Variants in ABCD3 observed in about 807,000 individuals in gnomAD.
ABCD3 encodes ATP binding cassette subfamily D member 3, also known as ATP-binding cassette sub-family D member 3.
A neutral mutation model predicts 105.5 loss-of-function variants in ABCD3; 41 were observed. That is an observed-to-expected ratio of 0.39 (90% CI 0.30 to 0.50). The LOEUF (loss-of-function observed/expected upper bound fraction) is 0.50. Among genes scored for constraint, ABCD3 ranks in the 20% least tolerant of loss-of-function variants. The pLI, the probability that ABCD3 is intolerant of heterozygous loss-of-function variation, is 0.84. For missense variants in ABCD3, 622 were observed against 806.3 expected (o/e 0.77, Z 2.77); for synonymous variants, 258 against 269.0 (o/e 0.96, Z 0.40).
At chr1:94,386,731 A>G in the ABCD3 span, among the ~76,000 whole-genome samples, 2 of 152,182 alleles carry the variant, frequency 1.3e-5, no homozygotes, top group Admixed American at 6.5e-5. Flanking sequence ...TTTGATGACT[A>G]AAAAACTCCC....
the ABCD3 span, among the ~76,000 whole-genome samples, chr1:94,388,362 A>T: frequency 2.0e-5 from 3 of 149,134 alleles, no homozygotes; most frequent in South Asian, 4.3e-4. Context: ...ATTGATGCAG[A>T]GCATTCTGAG....
At chr1:94,468,754 C>T (rs1359689165) in intron 4 of ABCD3, among the ~76,000 whole-genome samples, 1 of 152,076 alleles carries the variant, frequency 6.6e-6, no homozygotes, top group African/African-American at 2.4e-5. Flanking sequence ...TTGTTAAATG[C>T]CCCAACATTT....
At chr1:94,461,729 G>T (rs1382634164) in intron 2 of ABCD3, among the ~76,000 whole-genome samples, 1 of 151,958 alleles carries the variant, frequency 6.6e-6, no homozygotes. Flanking sequence ...TGTACATCAG[G>T]TTGTTTTTAA....
At chr1:94,457,823 A>C (rs1408094616) in intron 1 of ABCD3, among the ~76,000 whole-genome samples, 1 of 152,118 alleles carries the variant, frequency 6.6e-6, no homozygotes, top group East Asian at 1.9e-4. Flanking sequence ...CCTTCCATTC[A>C]CAGGTGTTGA....
intron 1 of ABCD3, among the ~76,000 whole-genome samples, chr1:94,447,968 T>A (rs1660421788): frequency 6.6e-6 from 1 of 152,204 alleles, no homozygotes; most frequent in South Asian, 2.1e-4. Flanking sequence ...TCACTAGCCC[T>A]TGGCAATTAA....
chr1:94,475,825 C>T (rs2100997400), intron 7 of ABCD3, 88 bp downstream of exon 7: 3 of 1,024,996 alleles, frequency 2.9e-6, no homozygotes, highest in East Asian at 2.6e-5. Context: ...ATTTTGTGGA[C>T]ATAACAGCAG....
At position 94,464,762 on chromosome 1, in the gene ABCD3, T is replaced by A. The variant is rs775278725; in HGVS notation, c.148-13T>A. On this transcript the variant is annotated splice_polypyrimidine_tract_variant and intron_variant, in intron 2 of 22. Coordinates refer to ENST00000370214, the MANE Select transcript of ABCD3 (RefSeq NM_002858.4). ...TATAGCTATCTTAAAAGGGCTTCTT[T>A]TTTTTAATGCAGAAAGAGGGGAAAA... 6.2e-7 allele frequency: 1 copy of A among 1,608,988 alleles called. No individual in the cohort carries two copies.
intron 9 of ABCD3, 123 bp from the exon 10 acceptor site, chr1:94,483,047 A>T (rs1649100897): frequency 4.2e-6 from 3 of 713,526 alleles, no homozygotes; most frequent in Non-Finnish European, 7.5e-6. Context: ...GATGCACCAG[A>T]TAAGCTCTTA....
In ABCD3 at chr1:94,464,758, T is replaced by C. The variant is rs764870377; in HGVS notation, c.148-17T>C. The C allele has an allele frequency of 1.3e-6, 2 of 1,595,092 alleles. No individual in the cohort carries two copies. ...TTGTTATAGCTATCTTAAAAGGGCT[T>C]CTTTTTTTTAATGCAGAAAGAGGGG... On this transcript the variant is annotated splice_polypyrimidine_tract_variant and intron_variant, in intron 2 of 22. Coordinates refer to ENST00000370214, the MANE Select transcript of ABCD3 (RefSeq NM_002858.4).
intron 10 of ABCD3, among the ~76,000 whole-genome samples, chr1:94,486,719 A>G (rs1244049219): frequency 1.3e-5 from 2 of 152,214 alleles, no homozygotes; most frequent in Non-Finnish European, 1.5e-5. Flanking sequence ...AGGAGGTGAC[A>G]TTTAGTCAGA....
chr1:94,518,087 T>G lies in ABCD3; in HGVS notation c.*958T>G, dbSNP rs1375395890. On this transcript the variant is annotated 3_prime_UTR_variant, in exon 23 of 23. Transcript: ENST00000370214. ...GTGATTTTATGTTTAAAAAGTATGT[T>G]CTAAAATTATTATATATACATGGGT... 1 of 151,922 alleles carries G rather than the reference T, an allele frequency of 6.6e-6. No homozygotes were observed. Among genetic ancestry groups the G allele is most frequent in the Non-Finnish European group, 1.5e-5 (1 of 67,840 alleles). 9.4% of individuals were successfully genotyped at this position (151,922 alleles called of 1,614,324 possible).
intron 17 of ABCD3, 33 bp downstream of exon 17, chr1:94,498,712 C>A: frequency 6.2e-7 from 1 of 1,612,620 alleles, no homozygotes; most frequent in Non-Finnish European, 8.5e-7. Flanking sequence ...ATTTTGCAGT[C>A]TTATTTTGCC....
chr1:94,498,739 T>C (rs1199847507), intron 17 of ABCD3, 44 bp from the exon 18 acceptor site: 3 of 1,613,264 alleles, frequency 1.9e-6, no homozygotes, highest in Non-Finnish European at 2.5e-6. Flanking sequence ...TCTACCACTT[T>C]GTAAATTTTA....
rs746881972 is a variant in ABCD3, at chr1:94,468,011, C to T, written c.335+4C>T. 6.3e-7 allele frequency: 1 copy of T among 1,596,052 alleles called. No homozygotes were observed. Among genetic ancestry groups the T allele is most frequent in the Non-Finnish European group, 8.6e-7 (1 of 1,163,836 alleles). On this transcript the variant is annotated splice_donor_region_variant and intron_variant, in intron 4 of 22. Coordinates refer to ENST00000370214, the MANE Select transcript of ABCD3 (RefSeq NM_002858.4). ...AAAATGGGACACTAATTGAAAGGTA[C>T]TTTTTCAATCACCTTCCTCCTATAT...
At chr1:94,471,489 T>G (rs929152866) in intron 4 of ABCD3, among the ~76,000 whole-genome samples, 1 of 148,060 alleles carries the variant, frequency 6.8e-6, no homozygotes, top group African/African-American at 2.5e-5. Context: ...CTTAGGGATA[T>G]CCTGTCTCAC....
At chr1:94,387,619 C>T in the ABCD3 span, among the ~76,000 whole-genome samples, 1 of 152,128 alleles carries the variant, frequency 6.6e-6, no homozygotes, top group African/African-American at 2.4e-5. Flanking sequence ...TGCTACTTAA[C>T]AGAAGAAAAA....
intron 1 of ABCD3, among the ~76,000 whole-genome samples, chr1:94,443,557 C>G (rs1660214304): frequency 6.6e-6 from 1 of 152,114 alleles, no homozygotes; most frequent in African/African-American, 2.4e-5. Flanking sequence ...GAGCTTTTCT[C>G]TTGTTTTATA....
chr1:94,446,752 T>A (rs138265634), intron 1 of ABCD3, among the ~76,000 whole-genome samples: 3,741 of 152,268 alleles, frequency 0.025, 62 homozygotes, highest in Middle Eastern at 0.037. Flanking sequence ...CGTGGCCAAT[T>A]CAACCTGTTC....
chr1:94,396,610 T>TGTGCGC, the ABCD3 span, among the ~76,000 whole-genome samples: 46 of 144,076 alleles, frequency 3.2e-4, no homozygotes, highest in African/African-American at 1.1e-3. Context: ...TGTGTGTGTG[T>TGTGCGC]GCGCGCGCGC....
Sources: gnomAD v4.1 joint callset for allele counts (sites outside exome capture counted in the v4.1 genomes callset) on GRCh38, gnomAD v4.1.1 for gene constraint, MANE v1.5 for transcripts, NCBI Gene and HGNC (gene_info 2026-07-23, HGNC 2026-07-21) for gene names.